TBCK: variants seen among roughly 807,000 people sequenced by gnomAD.
The protein encoded by TBCK is TBC domain-containing protein kinase-like protein.
TBCK carries 99 observed loss-of-function variants against 113.4 expected under a neutral mutation model. The observed-to-expected ratio is 0.87, with a 90% CI of 0.74 to 1.03. The LOEUF is 1.03. Among genes scored for constraint, TBCK ranks in the 50% least tolerant of loss-of-function variants. The pLI, the probability that TBCK is intolerant of heterozygous loss-of-function variation, is 0.00. For missense variants in TBCK, 1,045 were observed against 1,061.3 expected, an observed-to-expected ratio of 0.98 and a Z score of 0.21; for synonymous variants, 369 against 370.8, an observed-to-expected ratio of 1.00 and a Z score of 0.05.
At chr4:106,288,699 G>A (rs1225082944) in intron 3 of TBCK, among the ~76,000 whole-genome samples, 2 of 152,100 alleles carry the variant, frequency 1.3e-5, no homozygotes, top group Non-Finnish European at 2.9e-5. Context: ...CACATGTTGT[G>A]GGTACCAGTA....
chr4:106,279,561 T>C (rs922627228), intron 3 of TBCK, among the ~76,000 whole-genome samples: 1 of 152,146 alleles, frequency 6.6e-6, no homozygotes, highest in Non-Finnish European at 1.5e-5. Context: ...TTCATTCTAA[T>C]TATGTTTTTG....
rs758051997 is a variant in TBCK at position 106,242,585 on chromosome 4, T to A, written c.1071-16A>T. 2 of 1,565,178 alleles carry A rather than the reference T, an allele frequency of 1.3e-6. No individual in the cohort carries two copies. Among genetic ancestry groups the A allele is most frequent in the Non-Finnish European group, 1.7e-6 (2 of 1,152,314 alleles). ...AAAGAGAAAACTGAAAAGAAATTTT[T>A]AAAAATAATATGTACACAAAATCCA... On this transcript the variant is annotated splice_polypyrimidine_tract_variant and intron_variant, in intron 11 of 25. Coordinates refer to ENST00000394708, the MANE Select transcript of TBCK (RefSeq NM_001163435.3).
At chr4:106,063,433 A>G (rs1191762704) in intron 25 of TBCK, among the ~76,000 whole-genome samples, 4 of 152,016 alleles carry the variant, frequency 2.6e-5, no homozygotes, top group African/African-American at 9.7e-5. Context: ...CTAGATAGAT[A>G]CTATCTGGAG....
chr4:106,167,089 G>GGT lies in TBCK; in HGVS notation c.2235+4004_2235+4005dup, dbSNP rs145150009. ...AGATAAACTTATTCATATATATAGG[G>GGT]GTGTGTGTGTGTGTATTATATACAC... On this transcript the variant is annotated intron_variant, in intron 23 of 25. Coordinates refer to ENST00000394708, the MANE Select transcript of TBCK (RefSeq NM_001163435.3). Among the ~76,000 whole-genome samples the GGT allele has an allele frequency of 4.3e-4, 63 of 146,464 alleles. No individual in the cohort carries two copies. The East Asian group carries it at 0.01, about 23-fold the overall frequency.
intron 25 of TBCK, among the ~76,000 whole-genome samples, chr4:106,079,289 T>A (rs781096394): frequency 3.9e-5 from 6 of 152,144 alleles, no homozygotes; most frequent in African/African-American, 1.4e-4. Context: ...GTTCTCAACA[T>A]TGGTATTCAA....
At chr4:106,303,558 C>T (rs1226002958) in intron 2 of TBCK, among the ~76,000 whole-genome samples, 1 of 152,074 alleles carries the variant, frequency 6.6e-6, no homozygotes, top group African/African-American at 2.4e-5. Flanking sequence ...ATCTTCAAAG[C>T]CCTTCAACTG....
intron 19 of TBCK, among the ~76,000 whole-genome samples, chr4:106,220,408 C>T (rs546531988): frequency 1.6e-4 from 25 of 151,772 alleles, no homozygotes; most frequent in Non-Finnish European, 2.9e-4. Flanking sequence ...TTAAACCTCT[C>T]TTTTTTTTTC....
intron 23 of TBCK, among the ~76,000 whole-genome samples, chr4:106,124,502 T>G (rs1410985664): frequency 6.6e-6 from 1 of 152,136 alleles, no homozygotes; most frequent in East Asian, 1.9e-4. Flanking sequence ...CATTACTGGG[T>G]ATATACCCAA....
At chr4:106,265,040 T>C (rs1352730350) in intron 3 of TBCK, among the ~76,000 whole-genome samples, 4 of 151,928 alleles carry the variant, frequency 2.6e-5, no homozygotes, top group Non-Finnish European at 4.4e-5. Context: ...AGAGTTATAA[T>C]ATTTCAGCCC....
chr4:106,168,785 A>G (rs1271099052), intron 23 of TBCK, among the ~76,000 whole-genome samples: 2 of 151,990 alleles, frequency 1.3e-5, no homozygotes, highest in Non-Finnish European at 2.9e-5. Flanking sequence ...CTATATATAT[A>G]TAAGATCTAA....
intron 3 of TBCK, among the ~76,000 whole-genome samples, chr4:106,278,452 G>A (rs537185597): frequency 6.6e-5 from 10 of 151,026 alleles, no homozygotes; most frequent in African/African-American, 1.5e-4. Flanking sequence ...CCAGCTATTC[G>A]GGAGGCTGAG....
chr4:106,192,963 G>A (rs1753820175), intron 22 of TBCK, among the ~76,000 whole-genome samples: 1 of 152,072 alleles, frequency 6.6e-6, no homozygotes, highest in African/African-American at 2.4e-5. Flanking sequence ...TATAGATTTA[G>A]TTACATCCTA....
intron 25 of TBCK, among the ~76,000 whole-genome samples, chr4:106,085,531 C>T (rs1414528093): frequency 6.6e-6 from 1 of 152,076 alleles, no homozygotes; most frequent in East Asian, 1.9e-4. Flanking sequence ...ACTTCAACAC[C>T]CCACTGTCAG....
chr4:106,086,282 C>T (rs1739506002), intron 25 of TBCK, among the ~76,000 whole-genome samples: 1 of 152,048 alleles, frequency 6.6e-6, no homozygotes, highest in Non-Finnish European at 1.5e-5. Context: ...TACAAACTAC[C>T]ATCAGAGAAT....
intron 22 of TBCK, among the ~76,000 whole-genome samples, chr4:106,181,559 C>T (rs1050742160): frequency 4.0e-5 from 6 of 151,802 alleles, no homozygotes; most frequent in Non-Finnish European, 5.9e-5. Context: ...GGTGTAAGGA[C>T]GGGGTCCAGT....
intron 25 of TBCK, among the ~76,000 whole-genome samples, chr4:106,079,934 C>T (rs1005562659): frequency 6.6e-6 from 1 of 152,046 alleles, no homozygotes; most frequent in Non-Finnish European, 1.5e-5. Flanking sequence ...TTTAAAACAA[C>T]CAGATCTTCT....
intron 25 of TBCK, among the ~76,000 whole-genome samples, chr4:106,073,266 C>T (rs926298132): frequency 6.6e-6 from 1 of 152,126 alleles, no homozygotes; most frequent in Non-Finnish European, 1.5e-5. Context: ...ATGATGGTGA[C>T]CTACAGATGG....
rs1762568272 is a variant in TBCK, at chr4:106,262,150, T to C, written c.329A>G (p.His110Arg). 3 of 1,548,928 alleles carry C rather than the reference T, an allele frequency of 1.9e-6. No homozygotes were observed. Among genetic ancestry groups the C allele is most frequent in the Non-Finnish European group, 2.6e-6 (3 of 1,145,158 alleles). Reference sequence around the variant, plus strand: ...AGACAATGCCCTGTGTACTATACCATGTTTGTTCATATACTGCAAGCCCTG... The same window carrying C: ...AGACAATGCCCTGTGTACTATACCACGTTTGTTCATATACTGCAAGCCCTG... ...VLQGLQYMNKHGIVHRALSPH... is the reference protein window; with the variant it reads ...VLQGLQYMNKRGIVHRALSPH... The change falls in exon 4 of 26, where the codon CAT becomes CGT. Residue 110 changes from histidine to arginine, a missense_variant. By Grantham distance (29) the His-to-Arg change is conservative. Coordinates refer to ENST00000394708, the MANE Select transcript of TBCK (RefSeq NM_001163435.3).
chr4:106,128,821 G>T (rs1745530929), intron 23 of TBCK, among the ~76,000 whole-genome samples: 1 of 151,844 alleles, frequency 6.6e-6, no homozygotes, highest in Non-Finnish European at 1.5e-5. Flanking sequence ...AGAAAATATT[G>T]GAAAATAATA....
Sources: gnomAD v4.1 joint callset for allele counts (sites outside exome capture counted in the v4.1 genomes callset) on GRCh38, gnomAD v4.1.1 for gene constraint, MANE v1.5 for transcripts, NCBI Gene and HGNC (gene_info 2026-07-23, HGNC 2026-07-21) for gene names.